Variants in ZFHX3 observed in about 807,000 individuals in gnomAD.
The protein encoded by ZFHX3 is zinc finger homeobox protein 3.
ZFHX3 carries 42 observed loss-of-function variants against 279.1 expected under a neutral mutation model. That is an observed-to-expected ratio of 0.15 (90% CI 0.12 to 0.19). The LOEUF is 0.19. Ranked by LOEUF, ZFHX3 falls within the 10% of genes least tolerant of loss-of-function variation. ZFHX3 has a pLI of 1.00. For synonymous variants in ZFHX3, 2,293 were observed against 1,957.8 expected (o/e 1.17, Z -4.52); for missense variants, 4,981 against 4,754.0 (o/e 1.05, Z -1.40).
chr16:73,550,905 T>C (rs2020193919), intron 2 of ZFHX3, among the ~76,000 whole-genome samples: 1 of 152,194 alleles, frequency 6.6e-6, no homozygotes, highest in Non-Finnish European at 1.5e-5. Context: ...AATAGGAATC[T>C]AAAGCTAATT....
At chr16:73,815,471 T>C (rs757774315) in intron 1 of ZFHX3, 1 of 152,162 alleles carries the variant, frequency 6.6e-6, no homozygotes, top group Non-Finnish European at 1.5e-5. Flanking sequence ...TCGAGCTACA[T>C]TGCACATTAT....
chr16:73,643,647 C>T (rs931052125), intron 2 of ZFHX3, among the ~76,000 whole-genome samples: 1 of 152,296 alleles, frequency 6.6e-6, no homozygotes, highest in East Asian at 1.9e-4. Context: ...GTGTTCCTTC[C>T]GAGCAATTCC....
chr16:73,283,034 T>C (rs1473406664), intron 4 of ZFHX3, among the ~76,000 whole-genome samples: 2 of 152,218 alleles, frequency 1.3e-5, no homozygotes, highest in East Asian at 3.8e-4. Flanking sequence ...AACAAATAAA[T>C]AAATCTATAC....
At chr16:73,753,986 A>ATGTGTGTGTGTGTGTG (rs1310925312) in intron 1 of ZFHX3, among the ~76,000 whole-genome samples, 10,880 of 147,348 alleles carry the variant, frequency 0.074, 411 homozygotes, top group South Asian at 0.089. Context: ...GTAAGAATCA[A>ATGTGTGTGTGTGTGTG]TGTGTGTGTG....
intron 2 of ZFHX3, among the ~76,000 whole-genome samples, chr16:73,469,684 C>A (rs868750301): frequency 6.6e-6 from 1 of 152,026 alleles, no homozygotes; most frequent in South Asian, 2.1e-4. Context: ...GTGGCGTGAT[C>A]TCGACTCACT....
At chr16:73,621,015 C>T (rs1392565130) in intron 2 of ZFHX3, among the ~76,000 whole-genome samples, 2 of 152,130 alleles carry the variant, frequency 1.3e-5, no homozygotes, top group African/African-American at 2.4e-5. Context: ...AAATGGGGAT[C>T]GTAGCATCCA....
intron 3 of ZFHX3, among the ~76,000 whole-genome samples, chr16:72,920,121 T>G (rs2039546629): frequency 6.6e-6 from 1 of 151,920 alleles, no homozygotes; most frequent in Non-Finnish European, 1.5e-5. Flanking sequence ...ATACCTGCAC[T>G]GTAAGCCACA....
At position 72,959,223 on chromosome 16, in the gene ZFHX3, G is replaced by A. The variant is rs1163355569; in HGVS notation, c.923C>T (p.Thr308Ile). The change falls in exon 2 of 10, where the codon ACC (threonine) becomes ATC (isoleucine). Residue 308 changes from threonine (T) to isoleucine (I), a missense_variant. Transcript: ENST00000268489. ...AATTTTCCGCTCGTCTTCGCTCAGG[G>A]TCATTCGATGGTCATGCACCGCGTG... ...VTHAVHDHRM[T>I]LSEDERKILS... 28 of 1,614,192 alleles carry A rather than the reference G, an allele frequency of 1.7e-5. No homozygotes were observed. Among genetic ancestry groups the A allele is most frequent in the East Asian group, 2.2e-5 (1 of 44,872 alleles).
intron 4 of ZFHX3, among the ~76,000 whole-genome samples, chr16:72,863,283 G>A (rs966127011): frequency 3.6e-5 from 5 of 140,420 alleles, no homozygotes; most frequent in African/African-American, 1.4e-4. Flanking sequence ...TGGGAGGATT[G>A]CTTGAGCTCA....
At chr16:73,329,825 T>C (rs2059120513) in intron 3 of ZFHX3, among the ~76,000 whole-genome samples, 1 of 152,172 alleles carries the variant, frequency 6.6e-6, no homozygotes, top group Non-Finnish European at 1.5e-5. Context: ...AGTGACAAGT[T>C]ATGGGAAAGG....
intron 2 of ZFHX3, among the ~76,000 whole-genome samples, chr16:73,490,007 T>C (rs950486360): frequency 6.6e-6 from 1 of 152,206 alleles, no homozygotes; most frequent in African/African-American, 2.4e-5. Flanking sequence ...TGGAAAAACA[T>C]GAGATGTGCC....
At chr16:73,841,593 A>T (rs1278419076) in intron 1 of ZFHX3, among the ~76,000 whole-genome samples, 1 of 152,124 alleles carries the variant, frequency 6.6e-6, no homozygotes, top group Non-Finnish European at 1.5e-5. Flanking sequence ...CATGGCCACA[A>T]GAGGGTCCCC....
At chr16:73,815,595 CT>C (rs1344782102) in intron 1 of ZFHX3, 1 of 150,810 alleles carries the variant, frequency 6.6e-6, no homozygotes, top group Non-Finnish European at 1.5e-5. Context: ...CAGTGTCACT[CT>C]GTCCACCCAG....
intron 5 of ZFHX3, among the ~76,000 whole-genome samples, chr16:72,826,557 C>T (rs2036934463): frequency 6.6e-6 from 1 of 152,150 alleles, no homozygotes; most frequent in South Asian, 2.1e-4. Flanking sequence ...AGGTTGCTGG[C>T]ACCTGTATCG....
intron 2 of ZFHX3, among the ~76,000 whole-genome samples, chr16:73,482,206 G>A (rs923460605): frequency 1.3e-5 from 2 of 152,152 alleles, no homozygotes; most frequent in African/African-American, 4.8e-5. Flanking sequence ...ATACAGCAGT[G>A]CCTGTGTTAA....
intron 2 of ZFHX3, among the ~76,000 whole-genome samples, chr16:73,524,632 C>T (rs112423884): frequency 6.4e-4 from 98 of 152,284 alleles, no homozygotes; most frequent in Admixed American, 2.3e-3. Flanking sequence ...TCCTACTCTA[C>T]GGAAGCCTCT....
At chr16:72,894,340 G>C (rs143687563) in intron 3 of ZFHX3, among the ~76,000 whole-genome samples, 1 of 152,064 alleles carries the variant, frequency 6.6e-6, no homozygotes. Context: ...AGTAAACAGA[G>C]ACCCAAAGCT....
chr16:73,679,950 C>A (rs2052993478), intron 2 of ZFHX3: 1 of 152,182 alleles, frequency 6.6e-6, no homozygotes, highest in Admixed American at 6.6e-5. Context: ...CAGAGGATAT[C>A]AGAGCTGTGA....
intron 8 of ZFHX3, among the ~76,000 whole-genome samples, chr16:73,065,512 C>A (rs1459831305): frequency 2.0e-5 from 3 of 149,180 alleles, no homozygotes; most frequent in African/African-American, 5.0e-5. Context: ...TTTAAGGGGG[C>A]GAGGGAAATC....
Sources: allele counts gnomAD v4.1 joint callset (sites outside exome capture counted in the v4.1 genomes callset), GRCh38; gene constraint gnomAD v4.1.1; transcripts MANE v1.5; gene names NCBI Gene and HGNC (gene_info 2026-07-23, HGNC 2026-07-21).